The following EPS15 variants were observed in gnomAD, a reference collection of about 807,000 sequenced individuals.
EPS15 encodes epidermal growth factor receptor pathway substrate 15, also known as epidermal growth factor receptor substrate 15.
A neutral mutation model predicts 113.8 loss-of-function variants in EPS15; 72 were observed. That is an observed-to-expected ratio of 0.63 (90% confidence interval 0.52 to 0.77). The LOEUF (loss-of-function observed/expected upper bound fraction) is 0.77, where lower values mean the gene tolerates loss of function less well. EPS15 is among the 30% of genes least tolerant of loss of function. The pLI, the probability that EPS15 is intolerant of heterozygous loss-of-function variation, is 0.00. For synonymous variants in EPS15, 344 were observed against 363.4 expected, an observed-to-expected ratio of 0.95 and a Z score of 0.61; for missense variants, 1,048 against 1,045.8, an observed-to-expected ratio of 1.00 and a Z score of -0.03.
At chr1:51,434,733 G>A (rs747831622) in intron 12 of EPS15, among the ~76,000 whole-genome samples, 1 of 152,128 alleles carries the variant, frequency 6.6e-6, no homozygotes, top group African/African-American at 2.4e-5. Flanking sequence ...GTGCAGTGGC[G>A]TAATCTCGGC....
At chr1:51,468,386 C>G (rs1655002527) in intron 5 of EPS15, 87 bp downstream of exon 5, 1 of 1,001,052 alleles carries the variant, frequency 1.0e-6, no homozygotes, top group Admixed American at 1.9e-5. Context: ...GGGAGAATTC[C>G]TTTTAATATA....
At chr1:51,487,976 C>G (rs1408579772) in intron 1 of EPS15, among the ~76,000 whole-genome samples, 1 of 151,956 alleles carries the variant, frequency 6.6e-6, no homozygotes, top group Non-Finnish European at 1.5e-5. Context: ...AATGAATGAA[C>G]AGAGGAAAAA....
chr1:51,360,313 CTG>C (rs1209714210), intron 24 of EPS15, among the ~76,000 whole-genome samples: 1 of 152,118 alleles, frequency 6.6e-6, no homozygotes, highest in African/African-American at 2.4e-5. Context: ...CCTGAAAAAA[CTG>C]TGAAACTGAA....
chr1:51,373,535 G>A (rs1646714091), intron 21 of EPS15, among the ~76,000 whole-genome samples: 1 of 152,220 alleles, frequency 6.6e-6, no homozygotes, highest in Non-Finnish European at 1.5e-5. Context: ...CTCCTGGGGT[G>A]TATTTCTGGT....
At chr1:51,482,962 T>A (rs1471541475) in intron 1 of EPS15, among the ~76,000 whole-genome samples, 2 of 152,240 alleles carry the variant, frequency 1.3e-5, no homozygotes, top group Non-Finnish European at 2.9e-5. Context: ...ATCCACAGTT[T>A]CACTTTCCAC....
chr1:51,469,608 A>G lies in EPS15; in HGVS notation c.214-1040T>C, dbSNP rs118129034. Among the ~76,000 whole-genome samples, 741 of 152,154 alleles carry G rather than the reference A, an allele frequency of 4.9e-3. 29 individuals are homozygous for G. In the East Asian group the frequency reaches 0.084, roughly 17 times the overall value. On this transcript the variant is annotated intron_variant, in intron 4 of 24. Transcript: ENST00000371733. ...TAGTCGCTGATGTAATCAACCCTTC[A>G]CTACTTCTCTGAAATCCCGTACTCT...
intron 21 of EPS15, among the ~76,000 whole-genome samples, chr1:51,379,284 T>A (rs1646879832): frequency 6.6e-6 from 1 of 152,150 alleles, no homozygotes; most frequent in South Asian, 2.1e-4. Flanking sequence ...CACGCCCGGA[T>A]AATTTTTGTA....
chr1:51,406,967 G>A (rs893067834), intron 15 of EPS15, among the ~76,000 whole-genome samples: 1 of 152,144 alleles, frequency 6.6e-6, no homozygotes, highest in African/African-American at 2.4e-5. Context: ...TGAGTAGGTA[G>A]GTACTCAGCT....
At chr1:51,463,621 A>T in intron 7 of EPS15, 52 bp downstream of exon 7, 2 of 1,038,778 alleles carry the variant, frequency 1.9e-6, no homozygotes, top group Non-Finnish European at 2.9e-6. Flanking sequence ...GGCATAATAG[A>T]TATAAAATTA....
intron 21 of EPS15, among the ~76,000 whole-genome samples, chr1:51,391,249 G>C (rs1442755799): frequency 1.3e-5 from 2 of 152,000 alleles, no homozygotes; most frequent in South Asian, 4.1e-4. Flanking sequence ...TCACTCATAG[G>C]TGGGAATTGA....
chr1:51,406,138 G>C, intron 15 of EPS15, 30 bp from the exon 16 acceptor site: 2 of 1,585,768 alleles, frequency 1.3e-6, no homozygotes, highest in Non-Finnish European at 1.7e-6. Flanking sequence ...ATATAGAACA[G>C]AATTTATTAC....
chr1:51,424,427 C>T (rs1557455566), intron 12 of EPS15, among the ~76,000 whole-genome samples: 1 of 152,094 alleles, frequency 6.6e-6, no homozygotes, highest in Non-Finnish European at 1.5e-5. Flanking sequence ...TAATTTTGAA[C>T]ATGTATATTT....
intron 8 of EPS15, among the ~76,000 whole-genome samples, chr1:51,459,329 T>C (rs1654255417): frequency 6.6e-6 from 1 of 151,912 alleles, no homozygotes; most frequent in African/African-American, 2.4e-5. Flanking sequence ...AAACCCTGTC[T>C]CTACTAAAAA....
At chr1:51,451,200 T>C (rs557288844) in intron 8 of EPS15, among the ~76,000 whole-genome samples, 1 of 152,012 alleles carries the variant, frequency 6.6e-6, no homozygotes, top group Non-Finnish European at 1.5e-5. Flanking sequence ...TAAGAAATTC[T>C]AAGATAGGCT....
intron 23 of EPS15, among the ~76,000 whole-genome samples, chr1:51,362,949 C>G (rs537365422): frequency 8.5e-5 from 13 of 152,234 alleles, no homozygotes; most frequent in Admixed American, 2.6e-4. Context: ...TATACATACA[C>G]ACACATACTA....
intron 23 of EPS15, among the ~76,000 whole-genome samples, 182 bp downstream of exon 23, chr1:51,363,684 C>T (rs1051209148): frequency 2.1e-4 from 32 of 152,190 alleles, no homozygotes; most frequent in African/African-American, 7.7e-4. Flanking sequence ...TTTATACATG[C>T]TGACTTCTTA....
intron 4 of EPS15, among the ~76,000 whole-genome samples, chr1:51,468,769 T>C (rs1479054504): frequency 6.9e-6 from 1 of 145,566 alleles, no homozygotes; most frequent in Non-Finnish European, 1.5e-5. Context: ...TATGAATCGC[T>C]AATAATAACA....
chr1:51,450,776 T>C (rs1410781803), intron 8 of EPS15, among the ~76,000 whole-genome samples: 2 of 151,872 alleles, frequency 1.3e-5, no homozygotes, highest in African/African-American at 4.9e-5. Context: ...GCAGCACCGT[T>C]TGTATCAGCA....
chr1:51,506,412 A>C (rs902414821), intron 1 of EPS15, among the ~76,000 whole-genome samples: 2 of 152,214 alleles, frequency 1.3e-5, no homozygotes, highest in African/African-American at 4.8e-5. Flanking sequence ...GCAGTACCTT[A>C]AAAAATTCCA....
Sources: gnomAD v4.1 joint callset for allele counts (sites outside exome capture counted in the v4.1 genomes callset) on GRCh38, gnomAD v4.1.1 for gene constraint, MANE v1.5 for transcripts, NCBI Gene and HGNC (gene_info 2026-07-23, HGNC 2026-07-21) for gene names.